The following TRDN variants were observed in gnomAD, a reference collection of about 807,000 sequenced individuals.
TRDN encodes triadin, also known as triadin in skeletal muscle.
A neutral mutation model predicts 149.7 loss-of-function variants in TRDN; 161 were observed. That is an observed-to-expected ratio of 1.08 (90% CI 0.95 to 1.23). TRDN has a LOEUF of 1.23. TRDN is among the 50% of genes most tolerant of loss of function. The pLI, the probability that TRDN is intolerant of heterozygous loss-of-function variation, is 0.00. For synonymous variants in TRDN, 294 were observed against 250.5 expected, an observed-to-expected ratio of 1.17 and a Z score of -1.64; for missense variants, 896 against 823.5, an observed-to-expected ratio of 1.09 and a Z score of -1.08.
chr6:123,597,291 A>G lies in TRDN; in HGVS notation c.23-26159T>C, dbSNP rs531967812. On this transcript the variant is annotated intron_variant, in intron 1 of 40. Coordinates refer to ENST00000334268, the MANE Select transcript of TRDN (RefSeq NM_006073.4). Reference sequence around the variant, plus strand: ...GAAGTGGAGCCTGAAGATGGAACTGAACTGCCGCAATCTCATGATTAAACT... The same window carrying G: ...GAAGTGGAGCCTGAAGATGGAACTGGACTGCCGCAATCTCATGATTAAACT... 5.9e-5 allele frequency among the ~76,000 whole-genome samples: 9 copies of G among 152,180 alleles called. No individual in the cohort carries two copies. The South Asian group carries it at 1.9e-3, about 32-fold the overall frequency.
intron 23 of TRDN, among the ~76,000 whole-genome samples, chr6:123,318,458 G>C (rs140202344): frequency 3.2e-4 from 48 of 152,118 alleles, no homozygotes; most frequent in African/African-American, 1.1e-3. Context: ...GCAGAACCAA[G>C]ATTCCATTTT....
chr6:123,517,228 T>G (rs1779453353), intron 5 of TRDN, among the ~76,000 whole-genome samples: 1 of 152,094 alleles, frequency 6.6e-6, no homozygotes. Flanking sequence ...GAAATGACAT[T>G]TAAGAGTATG....
chr6:123,451,338 A>C (rs549306002), intron 10 of TRDN, among the ~76,000 whole-genome samples: 160 of 152,222 alleles, frequency 1.1e-3, no homozygotes, highest in African/African-American at 3.7e-3. Context: ...GATAAATAAA[A>C]TTGATAGACC....
intron 14 of TRDN, among the ~76,000 whole-genome samples, chr6:123,388,076 T>C (rs1272178067): frequency 7.2e-6 from 1 of 138,296 alleles, no homozygotes; most frequent in Admixed American, 7.2e-5. Context: ...CCAGAAAAAA[T>C]AGAACAAAAA....
intron 1 of TRDN, among the ~76,000 whole-genome samples, chr6:123,601,352 T>A (rs141236953): frequency 6.6e-6 from 1 of 152,018 alleles, no homozygotes; most frequent in Non-Finnish European, 1.5e-5. Context: ...AAACTCAGAG[T>A]GATATGTTGT....
chr6:123,328,423 T>A (rs941675323), intron 23 of TRDN, among the ~76,000 whole-genome samples: 3 of 152,206 alleles, frequency 2.0e-5, no homozygotes, highest in African/African-American at 7.2e-5. Flanking sequence ...TTTTTTCATA[T>A]GATTTGGAAT....
intron 24 of TRDN, among the ~76,000 whole-genome samples, chr6:123,301,392 T>A (rs1294756124): frequency 6.6e-6 from 1 of 151,946 alleles, no homozygotes; most frequent in Non-Finnish European, 1.5e-5. Flanking sequence ...AGGTCATTGA[T>A]AAGTTGAAAG....
chr6:123,582,341 C>A (rs146586274), intron 1 of TRDN, among the ~76,000 whole-genome samples: 1 of 152,052 alleles, frequency 6.6e-6, no homozygotes, highest in Non-Finnish European at 1.5e-5. Flanking sequence ...GGATTTCATG[C>A]GCGTCCGTGT....
chr6:123,327,876 T>C (rs1349198360), intron 23 of TRDN, among the ~76,000 whole-genome samples: 4 of 152,210 alleles, frequency 2.6e-5, no homozygotes, highest in Non-Finnish European at 4.4e-5. Flanking sequence ...GTGTGTTTTA[T>C]ATTTAATATT....
chr6:123,289,198 C>A (rs1374383515), intron 24 of TRDN, among the ~76,000 whole-genome samples: 2 of 147,774 alleles, frequency 1.4e-5, no homozygotes, highest in African/African-American at 5.0e-5. Flanking sequence ...TACTATACAG[C>A]CTTAAAAAAA....
chr6:123,446,584 C>CAA (rs572029827), intron 10 of TRDN, among the ~76,000 whole-genome samples: 1,618 of 60,846 alleles, frequency 0.027, 70 homozygotes, highest in Non-Finnish European at 0.032. Context: ...GATTCCATCT[C>CAA]AAAAAAAAAA....
intron 14 of TRDN, among the ~76,000 whole-genome samples, chr6:123,385,308 G>A (rs552366405): frequency 3.0e-4 from 45 of 151,820 alleles, no homozygotes; most frequent in African/African-American, 1.1e-3. Flanking sequence ...GCCGCCTGTA[G>A]TACCAACTAC....
intron 1 of TRDN, among the ~76,000 whole-genome samples, chr6:123,585,858 G>A (rs1049122344): frequency 8.6e-5 from 13 of 151,944 alleles, no homozygotes; most frequent in African/African-American, 3.1e-4. Flanking sequence ...TCTCACAGTG[G>A]AGGCAAGGAA....
intron 24 of TRDN, among the ~76,000 whole-genome samples, chr6:123,315,320 T>C (rs1778984404): frequency 6.6e-6 from 1 of 151,930 alleles, no homozygotes; most frequent in Non-Finnish European, 1.5e-5. Flanking sequence ...TATTATGCTT[T>C]TTTTCTGCAG....
chr6:123,596,801 C>T (rs569527638), intron 1 of TRDN, among the ~76,000 whole-genome samples: 2 of 152,072 alleles, frequency 1.3e-5, no homozygotes, highest in Admixed American at 1.3e-4. Flanking sequence ...ATTTCGAGCC[C>T]AATGTTGAGA....
At chr6:123,425,886 C>CT (rs532073478) in intron 12 of TRDN, among the ~76,000 whole-genome samples, 1 of 151,986 alleles carries the variant, frequency 6.6e-6, no homozygotes, top group South Asian at 2.1e-4. Flanking sequence ...ATCTATCTAT[C>CT]ATCTATCTAT....
intron 12 of TRDN, 114 bp from the exon 13 acceptor site, chr6:123,393,791 C>T (rs1469658094): frequency 4.0e-6 from 4 of 997,384 alleles, no homozygotes; most frequent in Admixed American, 5.5e-5. Context: ...TTGCTTTTGA[C>T]ACGAAGAATT....
intron 38 of TRDN, among the ~76,000 whole-genome samples, chr6:123,227,222 A>T (rs1775409927): frequency 6.6e-6 from 1 of 151,930 alleles, no homozygotes; most frequent in Admixed American, 6.6e-5. Context: ...CTAATAGCAC[A>T]GAAATAGTAC....
chr6:123,273,034 C>A (rs1777255736), intron 28 of TRDN, 23 bp from the exon 29 acceptor site: 1 of 1,452,568 alleles, frequency 6.9e-7, no homozygotes, highest in South Asian at 1.4e-5. Flanking sequence ...AAAAGAAAAT[C>A]TTTTTTAGGT....
Sources: gnomAD v4.1 joint callset for allele counts (sites outside exome capture counted in the v4.1 genomes callset) on GRCh38, gnomAD v4.1.1 for gene constraint, MANE v1.5 for transcripts, NCBI Gene and HGNC (gene_info 2026-07-23, HGNC 2026-07-21) for gene names.